Variants in LINGO2 observed in about 807,000 individuals in gnomAD.
LINGO2 encodes the protein leucine-rich repeat and immunoglobulin-like domain-containing nogo receptor-interacting protein 2.
Under a neutral mutation model 30.6 loss-of-function variants are expected in LINGO2, and 14 were observed. The ratio of observed to expected loss-of-function variants is 0.46; its 90% CI spans 0.30 to 0.72. LINGO2 has a LOEUF of 0.72. LINGO2 is among the 30% of genes least tolerant of loss of function. LINGO2 has a pLI of 0.07. For synonymous variants in LINGO2, 317 were observed against 288.5 expected, an observed-to-expected ratio of 1.10 and a Z score of -1.00; for missense variants, 729 against 751.7, an observed-to-expected ratio of 0.97 and a Z score of 0.35.
At chr9:28,065,572 T>G (rs1249091810) in intron 4 of LINGO2, among the ~76,000 whole-genome samples, 3 of 152,126 alleles carry the variant, frequency 2.0e-5, no homozygotes. Context: ...TTTATTACAT[T>G]TTAAAAATAT....
At chr9:28,263,828 G>A (rs1298566596) in intron 4 of LINGO2, among the ~76,000 whole-genome samples, 1 of 151,858 alleles carries the variant, frequency 6.6e-6, no homozygotes, top group Non-Finnish European at 1.5e-5. Context: ...TGGCTAAGAT[G>A]GGTTAAAAAG....
At chr9:28,632,069 T>C (rs1326539747) in intron 1 of LINGO2, among the ~76,000 whole-genome samples, 6 of 152,084 alleles carry the variant, frequency 3.9e-5, no homozygotes, top group Non-Finnish European at 7.4e-5. Flanking sequence ...AAAATGGCTA[T>C]CTTTAGAGAT....
At chr9:29,055,783 T>A in the LINGO2 span, among the ~76,000 whole-genome samples, 1 of 151,938 alleles carries the variant, frequency 6.6e-6, no homozygotes. Flanking sequence ...CCTCATAGCT[T>A]AGCTCCCACT....
chr9:28,049,615 T>C (rs1340560123), intron 4 of LINGO2, among the ~76,000 whole-genome samples: 1 of 150,656 alleles, frequency 6.6e-6, no homozygotes, highest in Non-Finnish European at 1.5e-5. Flanking sequence ...ATTATTCAAA[T>C]CTTATCTAAA....
chr9:28,306,918 G>C (rs1403458786), intron 3 of LINGO2, among the ~76,000 whole-genome samples: 2 of 152,152 alleles, frequency 1.3e-5, no homozygotes, highest in East Asian at 3.9e-4. Flanking sequence ...AACAAGGTCT[G>C]AAATTGTGGC....
At chr9:29,167,329 A>T in the LINGO2 span, among the ~76,000 whole-genome samples, 1 of 152,246 alleles carries the variant, frequency 6.6e-6, no homozygotes, top group African/African-American at 2.4e-5. Context: ...GAAATGTAGC[A>T]CTTCTGTTTT....
chr9:28,714,046 G>T, the LINGO2 span, among the ~76,000 whole-genome samples: 1 of 151,502 alleles, frequency 6.6e-6, no homozygotes, highest in Non-Finnish European at 1.5e-5. Flanking sequence ...GCAATCCCAG[G>T]TACTCGGGAG....
chr9:28,004,074 C>T (rs1389650036), intron 5 of LINGO2, among the ~76,000 whole-genome samples: 2 of 152,080 alleles, frequency 1.3e-5, no homozygotes. Context: ...TCAAACTAGC[C>T]TTCAGTATGA....
At chr9:29,053,345 C>T in the LINGO2 span, among the ~76,000 whole-genome samples, 7 of 152,098 alleles carry the variant, frequency 4.6e-5, no homozygotes, top group African/African-American at 1.4e-4. Context: ...GAAAAATATT[C>T]TGAGTTTTTG....
At chr9:28,284,604 G>A (rs897272809) in intron 4 of LINGO2, among the ~76,000 whole-genome samples, 1 of 152,066 alleles carries the variant, frequency 6.6e-6, no homozygotes, top group African/African-American at 2.4e-5. Flanking sequence ...AAGGTTAAAG[G>A]CATAATTATA....
intron 1 of LINGO2, among the ~76,000 whole-genome samples, chr9:28,640,305 T>A (rs1425328819): frequency 3.3e-5 from 5 of 152,026 alleles, no homozygotes; most frequent in African/African-American, 1.2e-4. Context: ...TGTCTTGGAG[T>A]TGCTCTTCTC....
chr9:28,229,473 C>A (rs1041867507), intron 4 of LINGO2, among the ~76,000 whole-genome samples: 2 of 151,382 alleles, frequency 1.3e-5, no homozygotes, highest in African/African-American at 4.8e-5. Context: ...AGATGAAGAA[C>A]AAGAGGAGGA....
At chr9:29,062,933 T>C in the LINGO2 span, among the ~76,000 whole-genome samples, 2 of 152,150 alleles carry the variant, frequency 1.3e-5, no homozygotes, top group African/African-American at 2.4e-5. Context: ...CTCCCTGACC[T>C]GGAGGGAACC....
intron 1 of LINGO2, among the ~76,000 whole-genome samples, chr9:28,655,728 C>G (rs972317518): frequency 6.6e-6 from 1 of 151,904 alleles, no homozygotes. Flanking sequence ...GGGGCTCCCC[C>G]CTTCACTGGG....
chr9:28,044,423 C>A (rs1373215483), intron 4 of LINGO2, among the ~76,000 whole-genome samples: 1 of 152,016 alleles, frequency 6.6e-6, no homozygotes, highest in Admixed American at 6.6e-5. Flanking sequence ...GGGGGCTGCC[C>A]CATGCATCAT....
At chr9:29,041,967 C>T in the LINGO2 span, among the ~76,000 whole-genome samples, 2 of 151,834 alleles carry the variant, frequency 1.3e-5, no homozygotes, top group East Asian at 3.9e-4. Context: ...AACTTTCCAT[C>T]TAGAAAATGA....
chr9:28,511,844 A>G (rs189769594), intron 1 of LINGO2, among the ~76,000 whole-genome samples: 1 of 152,246 alleles, frequency 6.6e-6, no homozygotes, highest in Non-Finnish European at 1.5e-5. Context: ...CACTGGGAAG[A>G]TTTCCCTTCA....
chr9:28,498,447 C>T lies in LINGO2; in HGVS notation c.-364-22422G>A, dbSNP rs934426120. Among the ~76,000 whole-genome samples, 4 of 152,182 alleles carry T rather than the reference C, an allele frequency of 2.6e-5. No individual in the cohort carries two copies. In the East Asian group the frequency reaches 7.7e-4, roughly 29 times the overall value. On this transcript the variant is annotated intron_variant, in intron 1 of 5. Coordinates refer to ENST00000379992, the Ensembl canonical transcript of LINGO2. ...TGAGCGAGCTTCTGTGGGCATGGGT[C>T]CCTCTGAGCCAGGCACGGGTTATAA...
the LINGO2 span, among the ~76,000 whole-genome samples, chr9:28,741,339 G>A: frequency 6.6e-6 from 1 of 151,972 alleles, no homozygotes; most frequent in Non-Finnish European, 1.5e-5. Context: ...GACCTTGCTT[G>A]GGGTTGGTCT....
Sources: allele counts gnomAD v4.1 joint callset (sites outside exome capture counted in the v4.1 genomes callset), GRCh38; gene constraint gnomAD v4.1.1; transcripts MANE v1.5; gene names NCBI Gene and HGNC (gene_info 2026-07-23, HGNC 2026-07-21).